Variants in MAMLD1 observed in about 807,000 individuals in gnomAD.
The protein encoded by MAMLD1 is mastermind like domain containing 1.
A neutral mutation model predicts 45.0 loss-of-function variants in MAMLD1; 14 were observed. That is an observed-to-expected ratio of 0.31 (90% CI 0.21 to 0.49). The LOEUF is 0.49. Among genes scored for constraint, MAMLD1 ranks in the 20% least tolerant of loss-of-function variants. The probability of loss-of-function intolerance (pLI) is 0.99; values close to 1 mark genes in which losing one functional copy is unlikely to be tolerated. For synonymous variants in MAMLD1, 254 were observed against 247.8 expected (o/e 1.02, Z -0.24); for missense variants, 543 against 603.6 (o/e 0.90, Z 1.05).
At chrX:150,428,341 C>G (rs2034788029) in intron 1 of MAMLD1, among the ~76,000 whole-genome samples, 1 of 112,422 alleles carries the variant, frequency 8.9e-6, no homozygotes. Context: ...GCATTTTTTC[C>G]TATATTAAAG....
chrX:150,399,821 T>G (rs1455365045), intron 1 of MAMLD1, among the ~76,000 whole-genome samples: 1 of 111,851 alleles, frequency 8.9e-6, no homozygotes, highest in Non-Finnish European at 1.9e-5. Context: ...AGCCCCACAG[T>G]TTATGGTCAT....
intron 5 of MAMLD1, among the ~76,000 whole-genome samples, chrX:150,495,377 G>T (rs1412617553): frequency 8.9e-6 from 1 of 112,578 alleles, no homozygotes; most frequent in Admixed American, 9.3e-5. Context: ...TCCCGGGAAT[G>T]TGTAGAGCCC....
chrX:150,405,857 G>T (rs1427285573), intron 1 of MAMLD1, among the ~76,000 whole-genome samples: 1 of 110,542 alleles, frequency 9.0e-6, no homozygotes, highest in Non-Finnish European at 1.9e-5. Flanking sequence ...GGTGCCTGAG[G>T]ACTGTCAAAG....
intron 2 of MAMLD1, among the ~76,000 whole-genome samples, chrX:150,455,182 A>G (rs2035813744): frequency 8.9e-6 from 1 of 112,487 alleles, no homozygotes; most frequent in South Asian, 3.7e-4. Flanking sequence ...GTTTATGGCC[A>G]AAATTGAATT....
At chrX:150,372,372 C>T (rs1469897017) in intron 1 of MAMLD1, among the ~76,000 whole-genome samples, 10 of 111,437 alleles carry the variant, frequency 9.0e-5, no homozygotes, top group African/African-American at 3.3e-4. Flanking sequence ...TTGGGTTTGG[C>T]TCTTAATGAG....
At chrX:150,455,860 C>G (rs908994397) in intron 2 of MAMLD1, among the ~76,000 whole-genome samples, 12 of 107,362 alleles carry the variant, frequency 1.1e-4, no homozygotes, top group African/African-American at 3.8e-4. Flanking sequence ...GTGGTCCAGT[C>G]AGTGTACCCT....
chrX:150,396,321 T>G (rs1261092921), intron 1 of MAMLD1, among the ~76,000 whole-genome samples: 1 of 109,425 alleles, frequency 9.1e-6, no homozygotes, highest in Non-Finnish European at 1.9e-5. Context: ...AATATTTACA[T>G]TCAAAGCTAT....
chrX:150,402,482 A>C (rs1467199374), intron 1 of MAMLD1, among the ~76,000 whole-genome samples: 2 of 111,282 alleles, frequency 1.8e-5, no homozygotes, highest in Admixed American at 1.9e-4. Context: ...TGGGACTGTA[A>C]ACTCGTTCAA....
At chrX:150,493,821 T>C in intron 5 of MAMLD1, among the ~76,000 whole-genome samples, 1 of 112,341 alleles carries the variant, frequency 8.9e-6, no homozygotes, top group Middle Eastern at 4.7e-3. Context: ...ATAAGAGTAA[T>C]ATGTGCTCTT....
chrX:150,400,313 A>G (rs1214872223), intron 1 of MAMLD1, among the ~76,000 whole-genome samples: 1 of 112,399 alleles, frequency 8.9e-6, no homozygotes, highest in Non-Finnish European at 1.9e-5. Context: ...AAGTGGAGAA[A>G]AGGCAAAGAT....
chrX:150,512,552 G>A lies in MAMLD1; in HGVS notation c.*593G>A. 1 of 1,156,068 alleles carries A rather than the reference G, an allele frequency of 8.7e-7. No homozygotes were observed. Among genetic ancestry groups the A allele is most frequent in the Non-Finnish European group, 1.1e-6 (1 of 872,909 alleles). ...GAGGCCATCTGATTGGGAGGCACAA[G>A]TGCCCGCTGCGATGGGAACACAAGT... On this transcript the variant is annotated 3_prime_UTR_variant, in exon 8 of 8. Transcript: ENST00000370401.
At chrX:150,492,614 G>C (rs1306332933) in intron 5 of MAMLD1, among the ~76,000 whole-genome samples, 1 of 111,795 alleles carries the variant, frequency 8.9e-6, no homozygotes, top group African/African-American at 3.3e-5. Context: ...CTGGCTTGGG[G>C]CAAGGCCCTT....
At chrX:150,460,429 C>T (rs2035999015) in intron 2 of MAMLD1, among the ~76,000 whole-genome samples, 1 of 112,340 alleles carries the variant, frequency 8.9e-6, no homozygotes, top group Non-Finnish European at 1.9e-5. Context: ...AATGGAATCA[C>T]CTCAAGTCAT....
intron 1 of MAMLD1, among the ~76,000 whole-genome samples, chrX:150,403,729 G>A (rs1022399870): frequency 3.7e-5 from 4 of 106,912 alleles, no homozygotes; most frequent in Admixed American, 2.1e-4. Flanking sequence ...CGCTTGAACC[G>A]AGGAGTCTGA....
rs142223943 is a variant in MAMLD1, at chrX:150,454,165, G to A, written c.96+8553G>A. ...AGAATAAGCTTCAGGCCCTAAAGTT[G>A]TCTAGCCTTAGGGCTGCCCATGTGA... On this transcript the variant is annotated intron_variant, in intron 2 of 7. Transcript: ENST00000370401. Among the ~76,000 whole-genome samples, 962 of 112,237 alleles carry A rather than the reference G, an allele frequency of 8.6e-3. 2 individuals are homozygous for A. The highest frequency in any genetic ancestry group is 0.046 in the Middle Eastern group (10 of 218).
At chrX:150,509,609 A>C in intron 6 of MAMLD1, 1 of 242,620 alleles carries the variant, frequency 4.1e-6, no homozygotes. Context: ...ATGCAGCCTA[A>C]TGTTACATTT....
At chrX:150,460,367 C>T (rs142667895) in intron 2 of MAMLD1, among the ~76,000 whole-genome samples, 1,675 of 112,517 alleles carry the variant, frequency 0.015, 23 homozygotes, top group African/African-American at 0.05. Context: ...GGTCATCCTG[C>T]TCTGTGAAGC....
chrX:150,431,810 C>T (rs1202093482), intron 1 of MAMLD1, among the ~76,000 whole-genome samples: 1 of 110,305 alleles, frequency 9.1e-6, no homozygotes, highest in African/African-American at 3.3e-5. Context: ...TTTCTTTATC[C>T]AGTCTACTTT....
rs148421399 is a variant in MAMLD1 at position 150,412,608 on chromosome X, T to C, written c.-63-32846T>C. Among the ~76,000 whole-genome samples the C allele has an allele frequency of 1.9e-3, 217 of 111,518 alleles. 1 individual carries two copies. The highest frequency in any genetic ancestry group is 6.9e-3 in the African/African-American group (213 of 30,660). Reference sequence around the variant, plus strand: ...TTGCCTTAAGCCCTTACAGAGTTGTTACAACTTCCCCCACTAACTTGATTT... The same window carrying C: ...TTGCCTTAAGCCCTTACAGAGTTGTCACAACTTCCCCCACTAACTTGATTT... On this transcript the variant is annotated intron_variant, in intron 1 of 7. Coordinates refer to ENST00000370401, the MANE Select transcript of MAMLD1 (RefSeq NM_005491.5).
Sources: gnomAD v4.1 joint callset for allele counts (sites outside exome capture counted in the v4.1 genomes callset) on GRCh38, gnomAD v4.1.1 for gene constraint, MANE v1.5 for transcripts, NCBI Gene and HGNC (gene_info 2026-07-23, HGNC 2026-07-21) for gene names.